The following PCDHA10 variants were observed in gnomAD, a reference collection of about 807,000 sequenced individuals.
PCDHA10 encodes protocadherin alpha-10.
A neutral mutation model predicts 61.2 loss-of-function variants in PCDHA10; 45 were observed. The ratio of observed to expected loss-of-function variants is 0.74; its 90% CI spans 0.58 to 0.94. PCDHA10 has a LOEUF of 0.94. Ranked by LOEUF, PCDHA10 falls within the 40% of genes least tolerant of loss-of-function variation. PCDHA10 has a pLI of 0.00. For missense variants in PCDHA10, 1,278 were observed against 1,236.2 expected (o/e 1.03, Z -0.51); for synonymous variants, 602 against 548.8 (o/e 1.10, Z -1.35).
intron 1 of PCDHA10, among the ~76,000 whole-genome samples, chr5:140,913,757 T>C (rs577091404): frequency 6.6e-6 from 1 of 152,282 alleles, no homozygotes; most frequent in South Asian, 2.1e-4. Context: ...TTGTATCTCA[T>C]AGGTTTTGGC....
chr5:140,925,441 T>G (rs1458646143), intron 1 of PCDHA10, among the ~76,000 whole-genome samples: 1 of 152,136 alleles, frequency 6.6e-6, no homozygotes, highest in African/African-American at 2.4e-5. Context: ...TTAGGCAGAA[T>G]TTGGGTGTAT....
chr5:140,921,268 C>G (rs2080134153), intron 1 of PCDHA10, among the ~76,000 whole-genome samples: 1 of 151,980 alleles, frequency 6.6e-6, no homozygotes, highest in Non-Finnish European at 1.5e-5. Context: ...GACTTTTATA[C>G]TTACTTGAAA....
At chr5:140,870,568 G>T (rs1554164428) in intron 1 of PCDHA10, 2 of 1,613,870 alleles carry the variant, frequency 1.2e-6, no homozygotes, top group African/African-American at 1.3e-5. Context: ...GAACGCGCTG[G>T]TGTCCTACTC....
At chr5:140,997,833 A>G (rs2097787444) in intron 3 of PCDHA10, among the ~76,000 whole-genome samples, 1 of 152,230 alleles carries the variant, frequency 6.6e-6, no homozygotes. Flanking sequence ...TCTAAACAAT[A>G]CAATATACAT....
intron 1 of PCDHA10, among the ~76,000 whole-genome samples, chr5:140,949,674 C>G (rs2153687219): frequency 6.6e-6 from 1 of 151,738 alleles, no homozygotes; most frequent in South Asian, 2.1e-4. Context: ...AAAGTATGCC[C>G]TTGTTGAAGC....
chr5:140,948,240 T>C (rs1554218495), intron 1 of PCDHA10, among the ~76,000 whole-genome samples: 1 of 151,684 alleles, frequency 6.6e-6, no homozygotes, highest in East Asian at 1.9e-4. Flanking sequence ...TGTATTTTAG[T>C]AAATATTTTT....
At chr5:141,005,822 C>T (rs1248291613) in intron 3 of PCDHA10, among the ~76,000 whole-genome samples, 2 of 151,298 alleles carry the variant, frequency 1.3e-5, no homozygotes, top group Non-Finnish European at 2.9e-5. Context: ...GTATGGTGGC[C>T]TGTAGTCCCA....
intron 1 of PCDHA10, among the ~76,000 whole-genome samples, chr5:140,923,036 T>C (rs868918813): frequency 1.3e-5 from 2 of 152,196 alleles, no homozygotes; most frequent in Non-Finnish European, 2.9e-5. Context: ...TATTACTACA[T>C]GTATAGTATT....
rs533990024 is a variant in PCDHA10, at chr5:140,856,155, A to G, written c.107A>G (p.Glu36Gly). The change falls in exon 1 of 4, where the codon GAG (glutamate) becomes GGG (glycine). Residue 36 changes from glutamate to glycine, a missense_variant. Transcript: ENST00000307360. ...GSGQLHYSVY[E>G]EARHGTFVGR... Reference sequence around the variant, plus strand: ...GGCCAGCTCCACTACTCAGTCTACGAGGAGGCCAGACACGGCACCTTCGTG... The same window carrying G: ...GGCCAGCTCCACTACTCAGTCTACGGGGAGGCCAGACACGGCACCTTCGTG... The G allele has an allele frequency of 6.3e-7, 1 of 1,598,294 alleles. No homozygotes were observed. The highest frequency in any genetic ancestry group is 1.3e-5 in the African/African-American group (1 of 74,428).
chr5:140,968,025 C>T lies in PCDHA10; in HGVS notation c.2389-10924C>T, dbSNP rs782679458. ...CTGAATGGCTTTGGAAACTCCTATA[C>T]ACTGGTGGTGAGCGGCCCACTGGAC... On this transcript the variant is annotated intron_variant, in intron 1 of 3. Coordinates refer to ENST00000307360, the MANE Select transcript of PCDHA10 (RefSeq NM_018901.4). 4.3e-6 allele frequency: 7 copies of T among 1,614,200 alleles called. No individual in the cohort carries two copies. In the South Asian group the frequency reaches 6.6e-5, roughly 15 times the overall value.
chr5:140,992,463 C>T (rs1416840803), intron 3 of PCDHA10, among the ~76,000 whole-genome samples: 1 of 152,162 alleles, frequency 6.6e-6, no homozygotes, highest in Non-Finnish European at 1.5e-5. Flanking sequence ...GAGGACAGTA[C>T]TCTTTAGATC....
chr5:140,884,721 T>C, intron 1 of PCDHA10: 1 of 1,464,684 alleles, frequency 6.8e-7, no homozygotes, highest in South Asian at 1.5e-5. Flanking sequence ...TTGCAGTTGT[T>C]TGTTTAAGAC....
chr5:140,882,182 G>A (rs1357141908), intron 1 of PCDHA10: 1 of 1,518,510 alleles, frequency 6.6e-7, no homozygotes, highest in Non-Finnish European at 8.8e-7. Context: ...TCCGCACTAG[G>A]AAGCCATAAA....
intron 1 of PCDHA10, among the ~76,000 whole-genome samples, chr5:140,911,786 TG>T (rs1394803815): frequency 6.6e-6 from 1 of 152,212 alleles, no homozygotes; most frequent in Non-Finnish European, 1.5e-5. Flanking sequence ...TTAGCATTTT[TG>T]GGTCTAATCA....
chr5:140,997,834 C>T (rs1385482729), intron 3 of PCDHA10, among the ~76,000 whole-genome samples: 2 of 152,106 alleles, frequency 1.3e-5, no homozygotes, highest in Non-Finnish European at 2.9e-5. Context: ...CTAAACAATA[C>T]AATATACATT....
intron 1 of PCDHA10, chr5:140,966,644 GCGTGAGCGGT>G (rs1554228519): frequency 3.3e-5 from 37 of 1,127,012 alleles, no homozygotes; most frequent in Non-Finnish European, 4.3e-5. Flanking sequence ...GCTTTCTAGA[GCGTGAGCGGT>G]GGGGGAGCAG....
chr5:140,940,413 A>G (rs2092607327), intron 1 of PCDHA10, among the ~76,000 whole-genome samples: 1 of 152,166 alleles, frequency 6.6e-6, no homozygotes, highest in East Asian at 1.9e-4. Context: ...TTTAAAAATT[A>G]TAATTATTAC....
intron 1 of PCDHA10, among the ~76,000 whole-genome samples, chr5:140,942,264 G>T (rs868983277): frequency 5.9e-5 from 9 of 152,122 alleles, no homozygotes; most frequent in Non-Finnish European, 1.2e-4. Flanking sequence ...GATATCTAAA[G>T]CTGGTAATGG....
At chr5:140,961,652 G>A (rs2095627629) in intron 1 of PCDHA10, among the ~76,000 whole-genome samples, 1 of 152,212 alleles carries the variant, frequency 6.6e-6, no homozygotes, top group Non-Finnish European at 1.5e-5. Context: ...TATGTGGTTA[G>A]TTTGAAGTTA....
Sources: gnomAD v4.1 joint callset for allele counts (sites outside exome capture counted in the v4.1 genomes callset) on GRCh38, gnomAD v4.1.1 for gene constraint, MANE v1.5 for transcripts, NCBI Gene and HGNC (gene_info 2026-07-23, HGNC 2026-07-21) for gene names.